Variants in NRG1 observed in about 807,000 individuals in gnomAD.
NRG1 encodes the protein pro-neuregulin-1, membrane-bound isoform.
A neutral mutation model predicts 63.8 loss-of-function variants in NRG1; 18 were observed. That is an observed-to-expected ratio of 0.28 (90% CI 0.19 to 0.42). The LOEUF is 0.42. NRG1 is among the 10% of genes least tolerant of loss of function. The pLI is 1.00. For missense variants in NRG1, 762 were observed against 814.7 expected (o/e 0.94, Z 0.79); for synonymous variants, 302 against 301.3 (o/e 1.00, Z -0.02).
At chr8:32,386,977 T>A (rs2129483703) in intron 1 of NRG1, among the ~76,000 whole-genome samples, 1 of 151,036 alleles carries the variant, frequency 6.6e-6, no homozygotes, top group Non-Finnish European at 1.5e-5. Context: ...TAAAAAAAAA[T>A]TGCTAGTTCA....
chr8:31,661,314 T>A (rs1165998438), intron 1 of NRG1, among the ~76,000 whole-genome samples: 1 of 152,194 alleles, frequency 6.6e-6, no homozygotes. Flanking sequence ...ATGAAGGTAA[T>A]TAAAATTCCT....
At chr8:32,561,264 G>A (rs1326774285) in intron 1 of NRG1, among the ~76,000 whole-genome samples, 1 of 152,182 alleles carries the variant, frequency 6.6e-6, no homozygotes, top group Non-Finnish European at 1.5e-5. Context: ...AGATAAGAGA[G>A]ATGTATTTCT....
intron 7 of NRG1, chr8:32,743,151 T>C: frequency 1.0e-6 from 1 of 990,322 alleles, no homozygotes; most frequent in South Asian, 4.7e-5. Flanking sequence ...CTGTAACCGA[T>C]ATGCACTTGA....
At chr8:32,011,813 C>G (rs1814801486) in intron 1 of NRG1, among the ~76,000 whole-genome samples, 1 of 152,042 alleles carries the variant, frequency 6.6e-6, no homozygotes, top group Non-Finnish European at 1.5e-5. Context: ...AACTGAACCT[C>G]TAAAAGATAT....
chr8:31,983,262 A>G (rs1809478430), intron 1 of NRG1, among the ~76,000 whole-genome samples: 2 of 152,124 alleles, frequency 1.3e-5, no homozygotes, highest in South Asian at 4.1e-4. Context: ...CTATCTTTGG[A>G]AAATTTTAAG....
chr8:32,406,549 T>G (rs1004804542), intron 1 of NRG1, among the ~76,000 whole-genome samples: 6 of 86,348 alleles, frequency 6.9e-5, no homozygotes, highest in African/African-American at 2.4e-4. Flanking sequence ...CACTAGTTTA[T>G]ATATTTATTT....
chr8:32,078,166 G>T (rs935588765), intron 1 of NRG1, among the ~76,000 whole-genome samples: 1 of 152,178 alleles, frequency 6.6e-6, no homozygotes, highest in Non-Finnish European at 1.5e-5. Flanking sequence ...TGTTGGAGGT[G>T]GGGCCTCACT....
chr8:31,874,235 T>C (rs1490362631), intron 1 of NRG1, among the ~76,000 whole-genome samples: 1 of 152,232 alleles, frequency 6.6e-6, no homozygotes, highest in African/African-American at 2.4e-5. Context: ...ACTGGCATGA[T>C]ATTTGCTTAA....
At chr8:31,973,163 A>G (rs1193781736) in intron 1 of NRG1, among the ~76,000 whole-genome samples, 2 of 152,178 alleles carry the variant, frequency 1.3e-5, no homozygotes, top group East Asian at 1.9e-4. Flanking sequence ...CCAAGTTCAT[A>G]TGCTTAAAAA....
chr8:31,825,447 A>G (rs929241440), intron 1 of NRG1, among the ~76,000 whole-genome samples: 1 of 152,150 alleles, frequency 6.6e-6, no homozygotes, highest in Non-Finnish European at 1.5e-5. Flanking sequence ...AAGAGAGATG[A>G]GAATACATTC....
chr8:32,538,953 G>A (rs1487053777), intron 1 of NRG1, among the ~76,000 whole-genome samples: 1 of 152,072 alleles, frequency 6.6e-6, no homozygotes, highest in African/African-American at 2.4e-5. Flanking sequence ...GGGAACATCA[G>A]GAAAAAACAG....
chr8:32,292,580 C>G (rs1454221184), intron 1 of NRG1, among the ~76,000 whole-genome samples: 1 of 152,192 alleles, frequency 6.6e-6, no homozygotes, highest in Non-Finnish European at 1.5e-5. Context: ...TGCTCTCTCT[C>G]TCTGTTCTCC....
chr8:31,712,984 CCCATCCAT>C (rs66850785), intron 1 of NRG1, among the ~76,000 whole-genome samples: 4,441 of 132,806 alleles, frequency 0.033, 157 homozygotes, highest in African/African-American at 0.097. Flanking sequence ...CATCCATCCA[CCCATCCAT>C]CCATCCATCC....
intron 5 of NRG1, among the ~76,000 whole-genome samples, chr8:32,699,236 CCATG>C (rs1814213032): frequency 6.8e-6 from 1 of 146,334 alleles, no homozygotes; most frequent in African/African-American, 2.8e-5. Flanking sequence ...TAAAAACTAA[CCATG>C]CAACTTTAAC....
chr8:31,683,897 T>C (rs1014741353), intron 1 of NRG1, among the ~76,000 whole-genome samples: 5 of 152,132 alleles, frequency 3.3e-5, no homozygotes, highest in African/African-American at 1.2e-4. Flanking sequence ...ACTCTGATCT[T>C]TAGTTTAGCA....
chr8:31,761,676 T>C (rs986436533), intron 1 of NRG1, among the ~76,000 whole-genome samples: 1 of 152,068 alleles, frequency 6.6e-6, no homozygotes, highest in African/African-American at 2.4e-5. Context: ...CCATCTTGCG[T>C]GGGAGTGATT....
intron 1 of NRG1, among the ~76,000 whole-genome samples, chr8:32,292,594 C>T (rs543772358): frequency 6.6e-6 from 1 of 152,226 alleles, no homozygotes; most frequent in East Asian, 1.9e-4. Context: ...GTTCTCCATT[C>T]GTTGTTTCTT....
At chr8:31,793,029 A>C (rs1820864288) in intron 1 of NRG1, among the ~76,000 whole-genome samples, 1 of 152,228 alleles carries the variant, frequency 6.6e-6, no homozygotes, top group African/African-American at 2.4e-5. Flanking sequence ...TATTCAGCAA[A>C]TAGCTCATAA....
At chr8:31,994,284 G>A (rs1376777317) in intron 1 of NRG1, among the ~76,000 whole-genome samples, 1 of 151,878 alleles carries the variant, frequency 6.6e-6, no homozygotes, top group Non-Finnish European at 1.5e-5. Flanking sequence ...TGAATATCAA[G>A]GACACAGTTA....
Sources: allele counts gnomAD v4.1 joint callset (sites outside exome capture counted in the v4.1 genomes callset), GRCh38; gene constraint gnomAD v4.1.1; transcripts MANE v1.5; gene names NCBI Gene and HGNC (gene_info 2026-07-23, HGNC 2026-07-21).